PTPRG: variants seen among roughly 807,000 people sequenced by gnomAD.
PTPRG encodes receptor-type tyrosine-protein phosphatase gamma.
A neutral mutation model predicts 165.3 loss-of-function variants in PTPRG; 102 were observed. The ratio of observed to expected loss-of-function variants is 0.62; its 90% CI spans 0.53 to 0.73. PTPRG has a LOEUF of 0.73. Among genes scored for constraint, PTPRG ranks in the 30% least tolerant of loss-of-function variants. The probability of loss-of-function intolerance (pLI) is 0.00; values close to 1 mark genes in which losing one functional copy is unlikely to be tolerated. For missense variants in PTPRG, 1,866 were observed against 1,861.4 expected (o/e 1.00, Z -0.05); for synonymous variants, 675 against 669.5 (o/e 1.01, Z -0.13).
intron 4 of PTPRG, among the ~76,000 whole-genome samples, chr3:62,063,533 A>G (rs1700891888): frequency 1.3e-5 from 2 of 152,220 alleles, no homozygotes; most frequent in African/African-American, 4.8e-5. Flanking sequence ...GTAAAATTAT[A>G]GTGCACAGTG....
intron 2 of PTPRG, among the ~76,000 whole-genome samples, chr3:61,873,829 G>C (rs150934771): frequency 3.7e-4 from 56 of 151,570 alleles, no homozygotes; most frequent in African/African-American, 1.3e-3. Context: ...CTGCCTTTCT[G>C]GGTTTATGTC....
intron 2 of PTPRG, among the ~76,000 whole-genome samples, chr3:61,846,393 A>G (rs2036806360): frequency 6.6e-6 from 1 of 152,160 alleles, no homozygotes; most frequent in Non-Finnish European, 1.5e-5. Flanking sequence ...TTGTAAAGGA[A>G]ACAGCCACTG....
chr3:61,766,566 T>A (rs1480147752), intron 2 of PTPRG, among the ~76,000 whole-genome samples: 2 of 152,122 alleles, frequency 1.3e-5, no homozygotes, highest in Non-Finnish European at 2.9e-5. Flanking sequence ...AAAGGAAACT[T>A]TGTTCGTATC....
chr3:61,681,745 T>C (rs1166691028), intron 1 of PTPRG, among the ~76,000 whole-genome samples: 1 of 152,210 alleles, frequency 6.6e-6, no homozygotes, highest in East Asian at 1.9e-4. Flanking sequence ...ATTATGATTT[T>C]TCTTGCTCTG....
intron 2 of PTPRG, among the ~76,000 whole-genome samples, chr3:61,952,141 AGAC>A (rs2039915514): frequency 7.0e-6 from 1 of 141,968 alleles, no homozygotes; most frequent in South Asian, 2.2e-4. Context: ...AAAAAAAAAA[AGAC>A]AGTATCAGAA....
chr3:62,069,663 CT>C (rs1287862146), intron 4 of PTPRG, among the ~76,000 whole-genome samples: 2 of 146,476 alleles, frequency 1.4e-5, no homozygotes, highest in Non-Finnish European at 3.0e-5. Context: ...CTCTCTCTCT[CT>C]CTCTCTCTCT....
chr3:62,123,353 C>T (rs1703152165), intron 5 of PTPRG, among the ~76,000 whole-genome samples: 1 of 152,170 alleles, frequency 6.6e-6, no homozygotes, highest in Admixed American at 6.5e-5. Context: ...TCCAGCTATC[C>T]TCCCGTCTCA....
chr3:62,286,130 G>A (rs1037432381), intron 28 of PTPRG, among the ~76,000 whole-genome samples: 1 of 151,888 alleles, frequency 6.6e-6, no homozygotes, highest in Non-Finnish European at 1.5e-5. Context: ...ATTTTAATTT[G>A]GCCCTGAGAT....
chr3:62,272,926 A>G lies in PTPRG; in HGVS notation c.3183-20A>G. The G allele has an allele frequency of 6.4e-7, 1 of 1,566,850 alleles. No individual in the cohort carries two copies. Among genetic ancestry groups the G allele is most frequent in the Non-Finnish European group, 8.6e-7 (1 of 1,157,780 alleles). On this transcript the variant is annotated intron_variant, in intron 21 of 29. Coordinates refer to ENST00000474889, the MANE Select transcript of PTPRG (RefSeq NM_002841.4). Reference sequence around the variant, plus strand: ...TATGATAAAACAAAAGTGCCAGTTGAGTGTCTTCATTTCTTACAGTGCTGG... The same window carrying G: ...TATGATAAAACAAAAGTGCCAGTTGGGTGTCTTCATTTCTTACAGTGCTGG...
chr3:61,647,476 C>A (rs1368369834), intron 1 of PTPRG, among the ~76,000 whole-genome samples: 1 of 152,114 alleles, frequency 6.6e-6, no homozygotes, highest in Non-Finnish European at 1.5e-5. Context: ...TGTAATTGTT[C>A]AGGTTCATCC....
At chr3:61,740,757 C>G (rs182758804) in intron 1 of PTPRG, among the ~76,000 whole-genome samples, 1 of 152,124 alleles carries the variant, frequency 6.6e-6, no homozygotes, top group African/African-American at 2.4e-5. Context: ...TAAAAAACAT[C>G]ATGGCTCTAT....
intron 2 of PTPRG, among the ~76,000 whole-genome samples, chr3:61,833,635 T>C (rs542163489): frequency 1.1e-4 from 16 of 151,936 alleles, no homozygotes; most frequent in African/African-American, 3.9e-4. Context: ...TGATCTCGGC[T>C]CGCTGCAACC....
intron 2 of PTPRG, among the ~76,000 whole-genome samples, chr3:61,816,678 T>C (rs1218670764): frequency 6.6e-6 from 1 of 152,068 alleles, no homozygotes; most frequent in Non-Finnish European, 1.5e-5. Context: ...TCAAATTGTT[T>C]ATGGAGTTTT....
At chr3:62,009,532 G>A (rs545990344) in intron 4 of PTPRG, among the ~76,000 whole-genome samples, 50 of 152,228 alleles carry the variant, frequency 3.3e-4, no homozygotes, top group Middle Eastern at 6.8e-3. Flanking sequence ...TTCCTCCTGA[G>A]AGCCTTCCTA....
intron 4 of PTPRG, among the ~76,000 whole-genome samples, chr3:62,053,339 T>C (rs1559769111): frequency 6.7e-6 from 1 of 148,894 alleles, no homozygotes; most frequent in Non-Finnish European, 1.5e-5. Flanking sequence ...CTATCTCAGC[T>C]CACTGCAACC....
chr3:61,987,991 A>T (rs2040802555), intron 2 of PTPRG, among the ~76,000 whole-genome samples: 1 of 152,216 alleles, frequency 6.6e-6, no homozygotes, highest in Non-Finnish European at 1.5e-5. Context: ...AGGTAAAAAA[A>T]TACATGAGTG....
intron 1 of PTPRG, chr3:61,742,371 T>G: frequency 6.0e-6 from 6 of 1,000,938 alleles, no homozygotes; most frequent in Non-Finnish European, 8.5e-6. Flanking sequence ...TAGGACATTT[T>G]TATAGGAAGA....
intron 4 of PTPRG, among the ~76,000 whole-genome samples, chr3:62,058,371 A>C (rs1039374995): frequency 2.6e-5 from 4 of 152,128 alleles, no homozygotes; most frequent in East Asian, 1.9e-4. Flanking sequence ...GGGTTTTGCT[A>C]TGTCAACCAG....
intron 2 of PTPRG, among the ~76,000 whole-genome samples, chr3:61,885,690 T>C (rs796400676): frequency 2.3e-4 from 24 of 105,936 alleles, no homozygotes; most frequent in African/African-American, 6.0e-4. Context: ...TCCTCTCCTC[T>C]CCTCTCCTCT....
Sources: allele counts gnomAD v4.1 joint callset (sites outside exome capture counted in the v4.1 genomes callset), GRCh38; gene constraint gnomAD v4.1.1; transcripts MANE v1.5; gene names NCBI Gene and HGNC (gene_info 2026-07-23, HGNC 2026-07-21).